Variants in MSRB3 observed in about 807,000 individuals in gnomAD.
MSRB3 encodes the protein methionine sulfoxide reductase B3, also known as methionine-R-sulfoxide reductase B3.
In MSRB3, 13 loss-of-function variants were observed where a neutral mutation model predicts 21.0. The observed-to-expected ratio is 0.62, with a 90% CI of 0.40 to 0.98. The LOEUF (loss-of-function observed/expected upper bound fraction) is 0.98. Among genes scored for constraint, MSRB3 ranks in the 50% least tolerant of loss-of-function variants. The pLI is 0.00. For missense variants in MSRB3, 199 were observed against 230.3 expected, an observed-to-expected ratio of 0.86 and a Z score of 0.88; for synonymous variants, 87 against 88.6, an observed-to-expected ratio of 0.98 and a Z score of 0.10.
chr12:65,376,681 G>C (rs1025168076), intron 5 of MSRB3, among the ~76,000 whole-genome samples: 2 of 152,104 alleles, frequency 1.3e-5, no homozygotes, highest in Non-Finnish European at 2.9e-5. Context: ...GGCCCGTCAG[G>C]GGGTGGGGGG....
At chr12:65,384,300 A>G (rs1046777069) in intron 5 of MSRB3, among the ~76,000 whole-genome samples, 1 of 152,164 alleles carries the variant, frequency 6.6e-6, no homozygotes, top group Admixed American at 6.5e-5. Context: ...ATGAATTTTG[A>G]TATCTATTAT....
intron 5 of MSRB3, among the ~76,000 whole-genome samples, chr12:65,402,957 G>A (rs1384289554): frequency 6.6e-6 from 1 of 152,182 alleles, no homozygotes; most frequent in Non-Finnish European, 1.5e-5. Flanking sequence ...AAAGATTGCT[G>A]CCTGTTCGTT....
chr12:65,323,431 C>A (rs1166775484), intron 2 of MSRB3, among the ~76,000 whole-genome samples: 1 of 152,186 alleles, frequency 6.6e-6, no homozygotes, highest in Non-Finnish European at 1.5e-5. Context: ...TGATTAGATA[C>A]CAAAATGGCA....
chr12:65,435,200 T>C (rs1882060527), intron 5 of MSRB3, among the ~76,000 whole-genome samples: 1 of 151,992 alleles, frequency 6.6e-6, no homozygotes, highest in Admixed American at 6.6e-5. Context: ...ATTTCTTTTG[T>C]TGTATAAGAG....
intron 5 of MSRB3, among the ~76,000 whole-genome samples, chr12:65,383,777 C>T (rs1348393547): frequency 6.6e-6 from 1 of 151,818 alleles, no homozygotes; most frequent in Non-Finnish European, 1.5e-5. Context: ...TTTCCTGCCT[C>T]AGCTCCCAAG....
chr12:65,460,871 A>G (rs948564308), intron 6 of MSRB3, among the ~76,000 whole-genome samples: 1 of 152,152 alleles, frequency 6.6e-6, no homozygotes, highest in African/African-American at 2.4e-5. Flanking sequence ...AACAGATTCA[A>G]TTACTGTAAT....
At chr12:65,418,618 A>G in intron 5 of MSRB3, 3 of 583,806 alleles carry the variant, frequency 5.1e-6, no homozygotes, top group Non-Finnish European at 9.1e-6. Context: ...TTACAGTTTC[A>G]GATCTTATTT....
rs535978607 is a variant in MSRB3, at chr12:65,451,776, T to C, written c.293-1952T>C. Among the ~76,000 whole-genome samples, 6 of 152,362 alleles carry C rather than the reference T, an allele frequency of 3.9e-5. No homozygotes were observed. The South Asian group carries it at 1.2e-3, about 32-fold the overall frequency. On this transcript the variant is annotated intron_variant, in intron 5 of 6. Transcript: ENST00000308259. The stretch of plus-strand genomic sequence containing the variant: ...GTCTGTAAGGAGTATGATTTTATTC[T>C]CTCTCTTTCTTGTGGAACTCTCTGA...
At chr12:65,401,305 G>C (rs972129276) in intron 5 of MSRB3, among the ~76,000 whole-genome samples, 1 of 152,164 alleles carries the variant, frequency 6.6e-6, no homozygotes, top group Non-Finnish European at 1.5e-5. Flanking sequence ...TGTATTGGGT[G>C]CATATATGTT....
At chr12:65,289,873 A>AT (rs1872578348) in intron 1 of MSRB3, among the ~76,000 whole-genome samples, 1 of 152,114 alleles carries the variant, frequency 6.6e-6, no homozygotes, top group African/African-American at 2.4e-5. Context: ...CCATGATCAC[A>AT]TTTTTTATAG....
At chr12:65,318,006 T>C (rs1874411737) in intron 2 of MSRB3, among the ~76,000 whole-genome samples, 1 of 152,162 alleles carries the variant, frequency 6.6e-6, no homozygotes, top group South Asian at 2.1e-4. Flanking sequence ...GTGAGCACTG[T>C]CTCTCAAGAA....
chr12:65,325,063 A>G (rs1435677965), intron 2 of MSRB3, among the ~76,000 whole-genome samples: 4 of 152,232 alleles, frequency 2.6e-5, no homozygotes, highest in Admixed American at 1.3e-4. Flanking sequence ...CAACCCTTCC[A>G]ACAAACACAT....
At chr12:65,346,850 C>T (rs1363233582) in intron 4 of MSRB3, among the ~76,000 whole-genome samples, 1 of 152,144 alleles carries the variant, frequency 6.6e-6, no homozygotes, top group African/African-American at 2.4e-5. Context: ...GGAATCCTTT[C>T]CCCATTTCTT....
chr12:65,352,075 G>A (rs1379837437), intron 4 of MSRB3, among the ~76,000 whole-genome samples: 2 of 151,934 alleles, frequency 1.3e-5, no homozygotes, highest in African/African-American at 2.4e-5. Flanking sequence ...TAAAATACTG[G>A]CAAAACGAAT....
chr12:65,286,071 A>G (rs1872325942), intron 1 of MSRB3: 1 of 152,226 alleles, frequency 6.6e-6, no homozygotes, highest in African/African-American at 2.4e-5. Context: ...TAACAGCAAA[A>G]GCTACTATAA....
chr12:65,339,214 G>A (rs1415734533), intron 4 of MSRB3, among the ~76,000 whole-genome samples: 1 of 152,144 alleles, frequency 6.6e-6, no homozygotes, highest in Non-Finnish European at 1.5e-5. Context: ...TCTTTGTTGC[G>A]GGGAGCTGCC....
At chr12:65,349,066 A>C in intron 4 of MSRB3, among the ~76,000 whole-genome samples, 5 of 147,190 alleles carry the variant, frequency 3.4e-5, no homozygotes, top group Admixed American at 6.8e-5. Context: ...CCTTCTCCCC[A>C]CCCCACCACA....
intron 5 of MSRB3, among the ~76,000 whole-genome samples, chr12:65,424,874 T>A (rs1881496522): frequency 6.7e-6 from 1 of 148,554 alleles, no homozygotes; most frequent in Non-Finnish European, 1.5e-5. Context: ...TGACTTTCTG[T>A]CTGGATTATC....
chr12:65,382,129 C>T (rs1271776990), intron 5 of MSRB3, among the ~76,000 whole-genome samples: 2 of 151,962 alleles, frequency 1.3e-5, no homozygotes, highest in Non-Finnish European at 2.9e-5. Context: ...ACCATATTAC[C>T]TTGCATCTAA....
Sources: gnomAD v4.1 joint callset for allele counts (sites outside exome capture counted in the v4.1 genomes callset) on GRCh38, gnomAD v4.1.1 for gene constraint, MANE v1.5 for transcripts, NCBI Gene and HGNC (gene_info 2026-07-23, HGNC 2026-07-21) for gene names.